Variants in ZNF329 observed in about 807,000 individuals in gnomAD.
The protein encoded by ZNF329 is zinc finger protein 329.
A neutral mutation model predicts 26.6 loss-of-function variants in ZNF329; 15 were observed. The observed-to-expected ratio is 0.56, with a 90% CI of 0.38 to 0.87. The LOEUF (loss-of-function observed/expected upper bound fraction) is 0.87. Among genes scored for constraint, ZNF329 ranks in the 40% least tolerant of loss-of-function variants. The pLI is 0.00. For synonymous variants in ZNF329, 239 were observed against 233.5 expected, an observed-to-expected ratio of 1.02 and a Z score of -0.21; for missense variants, 651 against 651.9, an observed-to-expected ratio of 1.00 and a Z score of 0.02.
In ZNF329 at chr19:58,126,426, A is replaced by C. The variant is rs2074802911; in HGVS notation, c.*1452T>G. 1 of 152,218 alleles carries C rather than the reference A, an allele frequency of 6.6e-6. No homozygotes were observed. Among genetic ancestry groups the C allele is most frequent in the Admixed American group, 6.5e-5 (1 of 15,276 alleles). The allele number at this position is 152,218 out of a possible 1,614,324, so 9.4% of individuals were successfully genotyped here. ...TTTTTACATGGCTGGAATAATAGTA[A>C]ATCTTCTATTTGATGCCCCTTTTTG... On this transcript the variant is annotated 3_prime_UTR_variant, in exon 4 of 4. Coordinates refer to ENST00000598312, the MANE Select transcript of ZNF329 (RefSeq NM_024620.4).
At position 58,128,860 on chromosome 19, in the gene ZNF329, T is replaced by C; in HGVS notation, c.644A>G (p.Asn215Ser). 1 of 1,612,688 alleles carries C rather than the reference T, an allele frequency of 6.2e-7. No individual in the cohort carries two copies. ...CTECGKCFKR[N>S]SSLVLHHRTH... Reference sequence around the variant, plus strand: ...TCGGTGATGCAAAACAAGAGAAGAGTTCCGTTTGAAGCATTTGCCACATTC... The same window carrying C: ...TCGGTGATGCAAAACAAGAGAAGAGCTCCGTTTGAAGCATTTGCCACATTC... Residue 215 changes from asparagine to serine, a missense_variant, in exon 4 of 4, where the codon AAC (asparagine) becomes AGC (serine). By Grantham distance (46) the Asn-to-Ser change is conservative. Coordinates refer to ENST00000598312, the MANE Select transcript of ZNF329 (RefSeq NM_024620.4).
chr19:58,144,065 C>G (rs1025061527), intron 1 of ZNF329, among the ~76,000 whole-genome samples: 1 of 151,902 alleles, frequency 6.6e-6, no homozygotes, highest in African/African-American at 2.4e-5. Flanking sequence ...CGGGCAACAA[C>G]AGCGAGACTC....
rs748612551 is a variant in ZNF329 at position 58,128,271 on chromosome 19, A to G, written c.1233T>C (p.Ser411=). The G allele has an allele frequency of 9.9e-6, 16 of 1,608,486 alleles. No homozygotes were observed. Among genetic ancestry groups the G allele is most frequent in the Middle Eastern group, 1.7e-4 (1 of 6,052 alleles). Residue 411 remains serine (S), a synonymous_variant, in exon 4 of 4, where the codon AGT becomes AGC. Coordinates refer to ENST00000598312, the MANE Select transcript of ZNF329 (RefSeq NM_024620.4). ...TCCTCTGATGCCTGATGAGGTACGC[A>G]CTCTCGATGAAAGTCTTGCCACATT... The part of the protein sequence containing the change: ...CKECGKTFIE[S]AYLIRHQRIH...
upstream of ZNF329, among the ~76,000 whole-genome samples, chr19:58,153,298 CAG>C (rs575228274): frequency 2.0e-5 from 3 of 152,170 alleles, no homozygotes; most frequent in African/African-American, 7.2e-5. Context: ...TTAGTAGAGA[CAG>C]GGTTTCACCT....
chr19:58,127,858 A>T lies in ZNF329; in HGVS notation c.*20T>A. Reference sequence around the variant, plus strand: ...CACAGGAGTGAGAGTGAACTGGAAGACTCATGTGGCCCCCAACCATTATGT... The same window carrying T: ...CACAGGAGTGAGAGTGAACTGGAAGTCTCATGTGGCCCCCAACCATTATGT... On this transcript the variant is annotated 3_prime_UTR_variant, in exon 4 of 4. Transcript: ENST00000598312. The T allele has an allele frequency of 1.3e-6, 2 of 1,556,392 alleles. No individual in the cohort carries two copies. Among genetic ancestry groups the T allele is most frequent in the Non-Finnish European group, 1.7e-6 (2 of 1,150,642 alleles).
chr19:58,144,693 ATT>A (rs34490866), intron 1 of ZNF329, among the ~76,000 whole-genome samples: 1,548 of 127,586 alleles, frequency 0.012, 12 homozygotes, highest in African/African-American at 0.032. Context: ...CCAGCCAAGA[ATT>A]TTTTTTTTTT....
intron 3 of ZNF329, among the ~76,000 whole-genome samples, chr19:58,138,792 T>C (rs1223594977): frequency 6.7e-6 from 1 of 148,508 alleles, no homozygotes; most frequent in Non-Finnish European, 1.5e-5. Flanking sequence ...AGGCCAGGAG[T>C]TTGAGAACAG....
At chr19:58,149,960 G>T (rs1173761891) in intron 1 of ZNF329, among the ~76,000 whole-genome samples, 1 of 152,170 alleles carries the variant, frequency 6.6e-6, no homozygotes, top group Non-Finnish European at 1.5e-5. Flanking sequence ...CCAAAAATAG[G>T]TGGATTAATG....
intron 1 of ZNF329, among the ~76,000 whole-genome samples, chr19:58,147,688 G>A (rs1321457721): frequency 6.8e-6 from 1 of 147,858 alleles, no homozygotes; most frequent in Non-Finnish European, 1.5e-5. Flanking sequence ...TCTGGGAGAT[G>A]AGGGGCGCCT....
At chr19:58,134,299 A>T (rs2075017088) in intron 3 of ZNF329, among the ~76,000 whole-genome samples, 1 of 152,212 alleles carries the variant, frequency 6.6e-6, no homozygotes, top group African/African-American at 2.4e-5. Context: ...GGAGGTCAGA[A>T]TTAAAAACAA....
At chr19:58,130,406 G>A (rs910417114) in intron 3 of ZNF329, among the ~76,000 whole-genome samples, 1 of 151,532 alleles carries the variant, frequency 6.6e-6, no homozygotes, top group Non-Finnish European at 1.5e-5. Flanking sequence ...AGGCGCGGTG[G>A]TCACGCCTGT....
In ZNF329 at chr19:58,147,968, G is replaced by A. The variant is rs904898933; in HGVS notation, c.-208+2784C>T. 6.1e-4 allele frequency among the ~76,000 whole-genome samples: 93 copies of A among 152,238 alleles called. 1 individual carries two copies. Among genetic ancestry groups the A allele is most frequent in the African/African-American group, 2.0e-3 (85 of 41,490 alleles). ...GGAATAGAAAGGGGGGAAAGGTGGG[G>A]AAAAGATTGAGAAATCGGATGGTTG... On this transcript the variant is annotated intron_variant, in intron 1 of 3. Transcript: ENST00000598312.
intron 3 of ZNF329, among the ~76,000 whole-genome samples, chr19:58,138,699 TAAAAG>T (rs1314630101): frequency 3.3e-5 from 5 of 152,044 alleles, no homozygotes; most frequent in Non-Finnish European, 5.9e-5. Flanking sequence ...CACGTACAGT[TAAAAG>T]AAATAAAATA....
rs767316183 is a variant in ZNF329 at position 58,129,281 on chromosome 19, C to T, written c.223G>A (p.Ala75Thr). 2.9e-5 allele frequency: 47 copies of T among 1,614,054 alleles called. No individual in the cohort carries two copies. Among genetic ancestry groups the T allele is most frequent in the Non-Finnish European group, 3.9e-5 (46 of 1,180,030 alleles). The change falls in exon 4 of 4, where the codon GCA (alanine) becomes ACA (threonine). Residue 75 changes from alanine (A) to threonine (T), a missense_variant. Physicochemically the swap from Ala to Thr is moderately conservative, Grantham distance 58. Coordinates refer to ENST00000598312, the MANE Select transcript of ZNF329 (RefSeq NM_024620.4). ...EYPGFGEHLI[A>T]SSDLPPSQRV... ...TGAGACGGTGGAAGGTCTGAGCTTG[C>T]AATCAAATGCTCCCCAAAACCAGGA...
At chr19:58,130,605 C>T (rs1400944210) in intron 3 of ZNF329, among the ~76,000 whole-genome samples, 1 of 138,618 alleles carries the variant, frequency 7.2e-6, no homozygotes, top group Non-Finnish European at 1.5e-5. Context: ...ACCCGGGAGG[C>T]GGAGCTTGCA....
At chr19:58,148,329 C>T (rs530380949) in intron 1 of ZNF329, among the ~76,000 whole-genome samples, 1,555 of 144,232 alleles carry the variant, frequency 0.011, 26 homozygotes, top group African/African-American at 0.042. Flanking sequence ...GACCTCCCCT[C>T]CACTATTGTC....
chr19:58,133,766 A>G (rs2075004260), intron 3 of ZNF329, among the ~76,000 whole-genome samples: 1 of 152,032 alleles, frequency 6.6e-6, no homozygotes, highest in Non-Finnish European at 1.5e-5. Context: ...TGGGAGGTCG[A>G]GGTGGGGGGA....
At chr19:58,153,329 C>CA, upstream of ZNF329, among the ~76,000 whole-genome samples, 1 of 152,118 alleles carries the variant, frequency 6.6e-6, no homozygotes, top group African/African-American at 2.4e-5. Flanking sequence ...AGGCTGGTCT[C>CA]AAACTCCTGA....
chr19:58,150,868 C>T (rs35081008), upstream of ZNF329: 17,788 of 152,680 alleles, frequency 0.12, 1,312 homozygotes, highest in Middle Eastern at 0.23. Flanking sequence ...GGGGCGGCCG[C>T]GGGTACCGGG....
Sources: gnomAD v4.1 joint callset for allele counts (sites outside exome capture counted in the v4.1 genomes callset) on GRCh38, gnomAD v4.1.1 for gene constraint, MANE v1.5 for transcripts, NCBI Gene and HGNC (gene_info 2026-07-23, HGNC 2026-07-21) for gene names.